FAM241A: variants seen among roughly 807,000 people sequenced by gnomAD.
The protein encoded by FAM241A is family with sequence similarity 241 member A.
FAM241A carries 7 observed loss-of-function variants against 12.2 expected under a neutral mutation model. The ratio of observed to expected loss-of-function variants is 0.58; its 90% CI spans 0.33 to 1.08. FAM241A has a LOEUF of 1.08. Among genes scored for constraint, FAM241A ranks in the 50% least tolerant of loss-of-function variants. FAM241A has a pLI of 0.04. For missense variants in FAM241A, 161 were observed against 169.7 expected, an observed-to-expected ratio of 0.95 and a Z score of 0.29; for synonymous variants, 74 against 68.2, an observed-to-expected ratio of 1.08 and a Z score of -0.42.
chr4:112,181,978 G>C (rs1231038705), intron 1 of FAM241A, among the ~76,000 whole-genome samples: 3 of 152,198 alleles, frequency 2.0e-5, no homozygotes, highest in Non-Finnish European at 4.4e-5. Flanking sequence ...TGCAGTAGCA[G>C]TGTTAGGAAA....
chr4:112,157,658 G>T (rs370028682), intron 1 of FAM241A, among the ~76,000 whole-genome samples: 10 of 151,928 alleles, frequency 6.6e-5, no homozygotes, highest in Admixed American at 2.6e-4. Context: ...AGTAAAAATC[G>T]ATTTCTTTTT....
At chr4:112,184,864 A>C (rs1411561581) in intron 1 of FAM241A, among the ~76,000 whole-genome samples, 1 of 152,164 alleles carries the variant, frequency 6.6e-6, no homozygotes, top group African/African-American at 2.4e-5. Flanking sequence ...TTATTTACTG[A>C]TCGATGACTG....
rs558828357 is a variant in FAM241A at position 112,150,040 on chromosome 4, A to G, written c.153+4307A>G. ...TATACATATTAAGAAATTTTTTCTA[A>G]TCTTACAATCAGTTAAATATTTGCC... On this transcript the variant is annotated intron_variant, in intron 1 of 1. Transcript: ENST00000309733. Among the ~76,000 whole-genome samples, 7 of 152,166 alleles carry G rather than the reference A, an allele frequency of 4.6e-5. No individual in the cohort carries two copies. In the South Asian group the frequency reaches 1.5e-3, roughly 32 times the overall value.
At chr4:112,155,970 G>A (rs2110421849) in intron 1 of FAM241A, among the ~76,000 whole-genome samples, 1 of 152,310 alleles carries the variant, frequency 6.6e-6, no homozygotes, top group African/African-American at 2.4e-5. Context: ...CATAGTGAAA[G>A]TATAGCAGCT....
rs541095316 is a variant in FAM241A, at chr4:112,160,312, C to T, written c.153+14579C>T. ...AATCCCAGCTACTCGGAGGCCGAGACGAGAATCACTTGAACCCAGGAGGCA... is the reference window on the plus strand; with the variant it reads ...AATCCCAGCTACTCGGAGGCCGAGATGAGAATCACTTGAACCCAGGAGGCA... On this transcript the variant is annotated intron_variant, in intron 1 of 1. Transcript: ENST00000309733. 1.7e-4 allele frequency among the ~76,000 whole-genome samples: 25 copies of T among 150,256 alleles called. No homozygotes were observed. In the East Asian group the frequency reaches 3.0e-3, roughly 18 times the overall value.
At chr4:112,171,378 A>G in intron 1 of FAM241A, 1 of 764,502 alleles carries the variant, frequency 1.3e-6, no homozygotes, top group East Asian at 2.4e-5. Context: ...AGCTAAGCCA[A>G]TTTTCTGGAA....
chr4:112,167,710 A>C (rs1256843050), intron 1 of FAM241A, among the ~76,000 whole-genome samples: 1 of 152,212 alleles, frequency 6.6e-6, no homozygotes, highest in Non-Finnish European at 1.5e-5. Context: ...TATATTAAGC[A>C]GTTTAATAGC....
rs1408315331 is a variant in FAM241A, at chr4:112,145,541, C to T, written c.-40C>T. 20 of 1,232,400 alleles carry T rather than the reference C, an allele frequency of 1.6e-5. No individual in the cohort carries two copies. Among genetic ancestry groups the T allele is most frequent in the Non-Finnish European group, 6.1e-6 (6 of 985,856 alleles). 76.3% of individuals were successfully genotyped at this position (1,232,400 alleles called of 1,614,324 possible). A position where few individuals can be genotyped will look rare whatever the true frequency, so the allele number is the denominator to read the frequency against. On this transcript the variant is annotated 5_prime_UTR_variant, in exon 1 of 2. Transcript: ENST00000309733. ...GCTGCCTGGTGCGTCGCGGCGTGGTCCTCCGGCGGCTGTCCGGGGCGGTAG... is the reference window on the plus strand; with the variant it reads ...GCTGCCTGGTGCGTCGCGGCGTGGTTCTCCGGCGGCTGTCCGGGGCGGTAG...
rs559234895 is a variant in FAM241A, at chr4:112,164,995, G to C, written c.153+19262G>C. 2.6e-3 allele frequency among the ~76,000 whole-genome samples: 390 copies of C among 152,252 alleles called. 2 individuals carry two copies. Among genetic ancestry groups the C allele is most frequent in the Middle Eastern group, 6.8e-3 (2 of 294 alleles). ...AGGCATGGGCTCAGCTATTTGGGAG[G>C]CTGAGGTGGGAGAATCACCTGAGCC... On this transcript the variant is annotated intron_variant, in intron 1 of 1. Transcript: ENST00000309733.
At chr4:112,159,187 C>T (rs1423192527) in intron 1 of FAM241A, among the ~76,000 whole-genome samples, 2 of 152,042 alleles carry the variant, frequency 1.3e-5, no homozygotes, top group African/African-American at 4.8e-5. Flanking sequence ...TTGGCTGTGC[C>T]CCTCGGTTTG....
chr4:112,145,652 G>A lies in FAM241A; in HGVS notation c.72G>A (p.Ala24=). 1 of 1,218,824 alleles carries A rather than the reference G, an allele frequency of 8.2e-7. No homozygotes were observed. Among genetic ancestry groups the A allele is most frequent in the Non-Finnish European group, 1.0e-6 (1 of 979,232 alleles). 75.5% of individuals were successfully genotyped at this position (1,218,824 alleles called of 1,614,324 possible). A position where few individuals can be genotyped will look rare whatever the true frequency, so the allele number is the denominator to read the frequency against. The part of the protein sequence containing the change: ...GERDEDGDAL[A]EREAAGTGWD... ...GCGACGAGGACGGGGACGCGCTGGC[G>A]GAGCGGGAGGCGGCAGGGACCGGGT... The change falls in exon 1 of 2, where the codon GCG becomes GCA. Residue 24 remains alanine, a synonymous_variant. Transcript: ENST00000309733.
At chr4:112,167,163 T>C (rs1282594437) in intron 1 of FAM241A, among the ~76,000 whole-genome samples, 1 of 151,738 alleles carries the variant, frequency 6.6e-6, no homozygotes, top group Non-Finnish European at 1.5e-5. Flanking sequence ...TAATTTTTTC[T>C]TGGCCAAGGT....
intron 1 of FAM241A, 25 bp downstream of exon 1, chr4:112,145,758 G>T: frequency 8.8e-7 from 1 of 1,133,022 alleles, no homozygotes; most frequent in Non-Finnish European, 1.1e-6. Context: ...GGGCGGCGGC[G>T]AAGCGGCCGG....
At chr4:112,147,997 A>G (rs1049855166) in intron 1 of FAM241A, among the ~76,000 whole-genome samples, 22 of 152,104 alleles carry the variant, frequency 1.4e-4, no homozygotes, top group Admixed American at 1.4e-3. Flanking sequence ...TTTAACCCAG[A>G]AAAGAGCTAT....
rs1724063503 is a variant in FAM241A at position 112,187,088 on chromosome 4, T to C, written c.*150T>C. 2 of 783,698 alleles carry C rather than the reference T, an allele frequency of 2.6e-6. No individual in the cohort carries two copies. Among genetic ancestry groups the C allele is most frequent in the Non-Finnish European group, 4.1e-6 (2 of 483,532 alleles). The allele number at this position is 783,698 out of a possible 1,614,324, so 48.5% of individuals were successfully genotyped here. A position where few individuals can be genotyped will look rare whatever the true frequency, so the allele number is the denominator to read the frequency against. On this transcript the variant is annotated 3_prime_UTR_variant, in exon 2 of 2. Transcript: ENST00000309733. ...AAGTAAATTTATACATGGATGTCAC[T>C]TAAAACTAAACTCTTGATCATAACA... is the stretch of plus-strand genomic sequence containing the variant.
intron 1 of FAM241A, among the ~76,000 whole-genome samples, chr4:112,146,199 G>C (rs1284661927): frequency 1.3e-5 from 2 of 152,170 alleles, no homozygotes; most frequent in Non-Finnish European, 2.9e-5. Context: ...TGGAAGGTGT[G>C]GGTGGATTCC....
At chr4:112,180,146 A>G (rs1723904302) in intron 1 of FAM241A, among the ~76,000 whole-genome samples, 1 of 149,304 alleles carries the variant, frequency 6.7e-6, no homozygotes, top group Non-Finnish European at 1.5e-5. Flanking sequence ...AGTAGGAGCT[A>G]AACATTGGGT....
chr4:112,180,467 CTG>C (rs1180302137), intron 1 of FAM241A, among the ~76,000 whole-genome samples: 1 of 152,044 alleles, frequency 6.6e-6, no homozygotes, highest in Non-Finnish European at 1.5e-5. Context: ...CTATATTTCT[CTG>C]TGTTTGTTAA....
At chr4:112,147,956 A>G (rs1297889115) in intron 1 of FAM241A, among the ~76,000 whole-genome samples, 1 of 152,054 alleles carries the variant, frequency 6.6e-6, no homozygotes, top group African/African-American at 2.4e-5. Flanking sequence ...TTGAGAGGAA[A>G]TTAGAGGCAG....
Sources: allele counts gnomAD v4.1 joint callset (sites outside exome capture counted in the v4.1 genomes callset), GRCh38; gene constraint gnomAD v4.1.1; transcripts MANE v1.5; gene names NCBI Gene and HGNC (gene_info 2026-07-23, HGNC 2026-07-21).